The following THADA variants were observed in gnomAD, a reference collection of about 807,000 sequenced individuals.
THADA encodes the protein tRNA (32-2'-O)-methyltransferase regulator THADA.
A neutral mutation model predicts 219.8 loss-of-function variants in THADA; 213 were observed. The observed-to-expected ratio is 0.97, with a 90% CI of 0.87 to 1.09. THADA has a LOEUF of 1.09. Among genes scored for constraint, THADA ranks in the 50% least tolerant of loss-of-function variants. The pLI, the probability that THADA is intolerant of heterozygous loss-of-function variation, is 0.00. For missense variants in THADA, 2,956 were observed against 2,311.3 expected (o/e 1.28, Z -5.72); for synonymous variants, 1,018 against 828.9 (o/e 1.23, Z -3.92).
intron 29 of THADA, among the ~76,000 whole-genome samples, chr2:43,362,790 C>G (rs1043834150): frequency 1.3e-5 from 2 of 152,196 alleles, no homozygotes; most frequent in African/African-American, 2.4e-5. Context: ...AATAACACAG[C>G]TTAAAATGCA....
chr2:43,417,163 CTAT>C (rs1558727307), intron 28 of THADA, among the ~76,000 whole-genome samples: 1 of 146,236 alleles, frequency 6.8e-6, no homozygotes, highest in East Asian at 2.0e-4. Context: ...TAAACATTTG[CTAT>C]TATTGTTTTT....
At chr2:43,506,094 T>C (rs1014979046) in intron 23 of THADA, among the ~76,000 whole-genome samples, 2 of 152,194 alleles carry the variant, frequency 1.3e-5, no homozygotes, top group Non-Finnish European at 2.9e-5. Flanking sequence ...CAGTAACAAA[T>C]TTATCTAACA....
chr2:43,528,513 A>G (rs1370234861), intron 21 of THADA, among the ~76,000 whole-genome samples: 1 of 152,104 alleles, frequency 6.6e-6, no homozygotes. Flanking sequence ...TCTCTACTTC[A>G]CAATTGGAAA....
intron 1 of THADA, among the ~76,000 whole-genome samples, chr2:43,594,972 A>G (rs1419149263): frequency 6.6e-6 from 1 of 152,232 alleles, no homozygotes; most frequent in Non-Finnish European, 1.5e-5. Flanking sequence ...GTAAATTTGT[A>G]TATTGTCTGT....
intron 36 of THADA, among the ~76,000 whole-genome samples, chr2:43,249,585 G>A (rs1213365884): frequency 6.6e-6 from 1 of 152,102 alleles, no homozygotes; most frequent in African/African-American, 2.4e-5. Flanking sequence ...GTGGCTTCCC[G>A]GCCCCCTAGT....
At chr2:43,276,762 A>G (rs976671134) in intron 36 of THADA, among the ~76,000 whole-genome samples, 11 of 152,046 alleles carry the variant, frequency 7.2e-5, no homozygotes, top group African/African-American at 2.4e-4. Flanking sequence ...TTTGTCCTGG[A>G]TCACAGTGAC....
At chr2:43,520,506 G>A (rs561976191) in intron 22 of THADA, among the ~76,000 whole-genome samples, 4 of 152,044 alleles carry the variant, frequency 2.6e-5, no homozygotes, top group South Asian at 4.2e-4. Flanking sequence ...TGGGCAACAC[G>A]GCACAAGCCC....
At chr2:43,545,377 T>A (rs1220822146) in intron 20 of THADA, among the ~76,000 whole-genome samples, 4 of 152,032 alleles carry the variant, frequency 2.6e-5, no homozygotes, top group African/African-American at 9.7e-5. Flanking sequence ...ATCAGGATGA[T>A]GCTGGCCTCA....
At chr2:43,498,544 T>C (rs1225746801) in intron 25 of THADA, among the ~76,000 whole-genome samples, 2 of 152,088 alleles carry the variant, frequency 1.3e-5, no homozygotes, top group Admixed American at 6.5e-5. Context: ...AGTGACATGG[T>C]GTAATATCAC....
At chr2:43,511,493 C>T (rs1250612851) in intron 22 of THADA, among the ~76,000 whole-genome samples, 1 of 152,132 alleles carries the variant, frequency 6.6e-6, no homozygotes, top group Non-Finnish European at 1.5e-5. Flanking sequence ...AATCATCTAA[C>T]TCCTCTTCTA....
chr2:43,527,991 T>A lies in THADA; in HGVS notation c.3265-3A>T. The A allele has an allele frequency of 6.2e-7, 1 of 1,605,052 alleles. No individual in the cohort carries two copies. The highest frequency in any genetic ancestry group is 8.5e-7 in the Non-Finnish European group (1 of 1,175,292). On this transcript the variant is annotated splice_polypyrimidine_tract_variant and splice_region_variant and intron_variant, in intron 21 of 37. Transcript: ENST00000405975. ...AAGTAATCTCCTATTTCTTTTACCTTTAAAAAAAAAGCAAAAACAAATGTC... is the reference window on the plus strand; with the variant it reads ...AAGTAATCTCCTATTTCTTTTACCTATAAAAAAAAAGCAAAAACAAATGTC...
intron 26 of THADA, among the ~76,000 whole-genome samples, chr2:43,460,592 T>C (rs966169632): frequency 6.6e-6 from 1 of 152,146 alleles, no homozygotes; most frequent in Non-Finnish European, 1.5e-5. Flanking sequence ...GACAGATATA[T>C]ATTAAACATT....
At chr2:43,515,518 C>T (rs922127774) in intron 22 of THADA, among the ~76,000 whole-genome samples, 2 of 143,700 alleles carry the variant, frequency 1.4e-5, no homozygotes, top group Non-Finnish European at 3.0e-5. Context: ...ATGAAAAAAC[C>T]ATAAAGTATG....
intron 28 of THADA, among the ~76,000 whole-genome samples, chr2:43,427,087 G>A (rs1444694242): frequency 6.6e-6 from 1 of 152,144 alleles, no homozygotes; most frequent in Admixed American, 6.5e-5. Flanking sequence ...TATATTCATG[G>A]CTTTTTTCAG....
intron 26 of THADA, among the ~76,000 whole-genome samples, chr2:43,441,948 C>T (rs967676429): frequency 1.3e-5 from 2 of 152,118 alleles, no homozygotes; most frequent in African/African-American, 4.8e-5. Flanking sequence ...ATGGGAGATA[C>T]TAAGAGTAAA....
intron 26 of THADA, among the ~76,000 whole-genome samples, chr2:43,472,721 T>C (rs752981544): frequency 6.6e-6 from 1 of 152,188 alleles, no homozygotes; most frequent in Non-Finnish European, 1.5e-5. Context: ...GTAAACATCG[T>C]AGAGTATACT....
intron 36 of THADA, among the ~76,000 whole-genome samples, chr2:43,271,580 A>G (rs1484766475): frequency 1.3e-5 from 2 of 151,560 alleles, no homozygotes; most frequent in African/African-American, 4.9e-5. Flanking sequence ...ATAGCAGCAA[A>G]CAAACAAGAC....
At chr2:43,319,202 C>T (rs1009228050) in intron 31 of THADA, among the ~76,000 whole-genome samples, 2 of 152,190 alleles carry the variant, frequency 1.3e-5, no homozygotes, top group African/African-American at 4.8e-5. Context: ...TAAGGGTAAG[C>T]TGGAGTAGAT....
chr2:43,263,124 C>G (rs546511681), intron 36 of THADA, among the ~76,000 whole-genome samples: 1 of 152,278 alleles, frequency 6.6e-6, no homozygotes, highest in Admixed American at 6.5e-5. Context: ...AAATGTGTCA[C>G]GTAGTTCCCT....
Sources: allele counts gnomAD v4.1 joint callset (sites outside exome capture counted in the v4.1 genomes callset), GRCh38; gene constraint gnomAD v4.1.1; transcripts MANE v1.5; gene names NCBI Gene and HGNC (gene_info 2026-07-23, HGNC 2026-07-21).